The following NR3C1 variants were observed in gnomAD, a reference collection of about 807,000 sequenced individuals.
NR3C1 encodes the protein glucocorticoid receptor.
A neutral mutation model predicts 74.0 loss-of-function variants in NR3C1; 14 were observed. The ratio of observed to expected loss-of-function variants is 0.19; its 90% confidence interval spans 0.12 to 0.30. The LOEUF (loss-of-function observed/expected upper bound fraction) is 0.30. Ranked by LOEUF, NR3C1 falls within the 10% of genes least tolerant of loss-of-function variation. The probability of loss-of-function intolerance (pLI) is 1.00; values close to 1 mark genes in which losing one functional copy is unlikely to be tolerated. For missense variants in NR3C1, 695 were observed against 909.8 expected (o/e 0.76, Z 3.04); for synonymous variants, 308 against 332.5 (o/e 0.93, Z 0.80).
intron 4 of NR3C1, among the ~76,000 whole-genome samples, chr5:143,303,988 A>C (rs1411070273): frequency 6.6e-6 from 1 of 152,164 alleles, no homozygotes; most frequent in African/African-American, 2.4e-5. Context: ...AAAAGCTGGA[A>C]GCATTCCCCT....
intron 1 of NR3C1, chr5:143,408,920 G>A (rs1227503763): frequency 6.6e-6 from 1 of 152,140 alleles, no homozygotes; most frequent in Non-Finnish European, 1.5e-5. Context: ...TGACGCAACT[G>A]TAAGTCAAGG....
At chr5:143,310,238 A>G in intron 3 of NR3C1, 25 bp from the exon 4 acceptor site, 1 of 1,486,818 alleles carries the variant, frequency 6.7e-7, no homozygotes, top group Non-Finnish European at 9.4e-7. Flanking sequence ...AGGCACTATT[A>G]AAGTTTCACA....
intron 2 of NR3C1, among the ~76,000 whole-genome samples, chr5:143,337,842 G>GAA (rs1156681385): frequency 1.3e-5 from 2 of 152,104 alleles, no homozygotes; most frequent in Non-Finnish European, 2.9e-5. Flanking sequence ...TAGGTAGTAA[G>GAA]AAAAACAAGA....
chr5:143,421,962 C>G (rs1198154633), intron 1 of NR3C1, among the ~76,000 whole-genome samples: 1 of 152,172 alleles, frequency 6.6e-6, no homozygotes. Context: ...CAGTCACAGC[C>G]AGGGCCAGCT....
chr5:143,402,607 G>T, intron 1 of NR3C1: 1 of 985,476 alleles, frequency 1.0e-6, no homozygotes, highest in Non-Finnish European at 1.2e-6. Context: ...CAGACCTGTT[G>T]AGTTCTCTCT....
At chr5:143,324,949 C>G (rs888089164) in intron 2 of NR3C1, among the ~76,000 whole-genome samples, 2 of 152,202 alleles carry the variant, frequency 1.3e-5, no homozygotes, top group Non-Finnish European at 2.9e-5. Context: ...TCTGAGACCA[C>G]CTCAGCCTGG....
chr5:143,300,901 G>C lies in NR3C1; in HGVS notation c.1469-138C>G. 3.0e-6 allele frequency: 3 copies of C among 1,011,604 alleles called. No individual in the cohort carries two copies. Among genetic ancestry groups the C allele is most frequent in the Non-Finnish European group, 4.2e-6 (3 of 715,350 alleles). 62.7% of individuals were successfully genotyped at this position (1,011,604 alleles called of 1,614,324 possible). ...TTTTATTTAGCAATTATGATAAAGT[G>C]ACATGGAAAAGGAGAAAAAACTTTT... On this transcript the variant is annotated intron_variant, in intron 4 of 8. Transcript: ENST00000394464. This position sits in a 1 kb window ranked among gnomAD's most constrained non-coding sequence, Gnocchi z 5.2.
intron 7 of NR3C1, among the ~76,000 whole-genome samples, chr5:143,286,260 G>C (rs1355494786): frequency 6.6e-6 from 1 of 152,014 alleles, no homozygotes; most frequent in Non-Finnish European, 1.5e-5. Flanking sequence ...CTTCACTGCT[G>C]AGTTTTACCA....
At chr5:143,425,043 T>C (rs777346957) in intron 1 of NR3C1, among the ~76,000 whole-genome samples, 32 of 152,192 alleles carry the variant, frequency 2.1e-4, no homozygotes, top group Non-Finnish European at 4.1e-4. Flanking sequence ...GGCATGAGGA[T>C]AGGCATTCAG....
rs1228836464 is a variant in NR3C1, at chr5:143,362,905, G to A, written c.1184+36751C>T. 2.6e-5 allele frequency among the ~76,000 whole-genome samples: 4 copies of A among 152,174 alleles called. No homozygotes were observed. In the East Asian group the frequency reaches 7.7e-4, roughly 29 times the overall value. On this transcript the variant is annotated intron_variant, in intron 2 of 8. Coordinates refer to ENST00000394464, the MANE Select transcript of NR3C1 (RefSeq NM_000176.3). ...AGGAAAAGCTGGGGAGTCTGTAAGG[G>A]CTTTGAAAGGGTCCAACATACTCCT...
rs779490954 is a variant in NR3C1 at position 143,400,041 on chromosome 5, T to C, written c.799A>G (p.Ser267Gly). 1 of 1,614,206 alleles carries C rather than the reference T, an allele frequency of 6.2e-7. No individual in the cohort carries two copies. Among genetic ancestry groups the C allele is most frequent in the South Asian group, 1.1e-5 (1 of 91,088 alleles). The change falls in exon 2 of 9, where the codon AGC (serine) becomes GGC (glycine). Residue 267 changes from serine (S) to glycine (G), a missense_variant. Physicochemically the swap from Ser to Gly is moderately conservative, Grantham distance 56. Around this residue, in one of 4 missense-constraint regions of NR3C1, gnomAD observed 497 missense variants for 489.5 expected, o/e 1.02. Transcript: ENST00000394464. ...TGGGGCAGTGTTACATTACTGGGGC[T>C]TGACAAAACCAGATCTCCATTATCC... ...IKDNGDLVLS[S>G]PSNVTLPQVK...
intron 4 of NR3C1, among the ~76,000 whole-genome samples, chr5:143,307,403 C>A (rs938312148): frequency 3.3e-5 from 5 of 152,238 alleles, no homozygotes; most frequent in Admixed American, 3.3e-4. Flanking sequence ...GTAGCCTAGT[C>A]CATCAAAATC....
chr5:143,428,089 A>C (rs1044408270), intron 1 of NR3C1, among the ~76,000 whole-genome samples: 3 of 152,214 alleles, frequency 2.0e-5, no homozygotes, highest in Admixed American at 2.0e-4. Flanking sequence ...ACCTGAACTT[A>C]GTGTAAGTCT....
chr5:143,402,747 TC>T (rs1840556130), intron 1 of NR3C1: 1 of 985,244 alleles, frequency 1.0e-6, no homozygotes, highest in East Asian at 1.1e-4. Flanking sequence ...CGCCGGGGCC[TC>T]CCCGGAGCCC....
intron 2 of NR3C1, among the ~76,000 whole-genome samples, chr5:143,330,705 AT>A (rs1825771954): frequency 6.6e-6 from 1 of 152,244 alleles, no homozygotes. Context: ...GAGAAGTGGA[AT>A]CTCTGAAAAT....
chr5:143,386,611 G>C (rs1272007066), intron 2 of NR3C1, among the ~76,000 whole-genome samples: 1 of 152,138 alleles, frequency 6.6e-6, no homozygotes, highest in Admixed American at 6.5e-5. Context: ...GATAAGGGGA[G>C]ATGTGCAGGA....
intron 2 of NR3C1, among the ~76,000 whole-genome samples, chr5:143,348,269 A>C (rs563205857): frequency 6.6e-6 from 1 of 152,338 alleles, no homozygotes; most frequent in South Asian, 2.1e-4. Context: ...TACAACACTC[A>C]GTGAATGGGG....
At chr5:143,334,160 T>C (rs533558809) in intron 2 of NR3C1, among the ~76,000 whole-genome samples, 196 of 152,298 alleles carry the variant, frequency 1.3e-3, no homozygotes, top group Non-Finnish European at 2.4e-3. Context: ...GGCAGGCAGA[T>C]CACCTGAGGT....
chr5:143,412,625 T>G (rs1297298116), intron 1 of NR3C1, among the ~76,000 whole-genome samples: 1 of 152,204 alleles, frequency 6.6e-6, no homozygotes, highest in Non-Finnish European at 1.5e-5. Flanking sequence ...CAACCACAGT[T>G]TTCCCCACTT....
Sources: allele counts gnomAD v4.1 joint callset (sites outside exome capture counted in the v4.1 genomes callset), GRCh38; gene constraint gnomAD v4.1.1; regional missense constraint gnomAD v4.1.1; non-coding constraint Gnocchi (gnomAD v3.1); transcripts MANE v1.5; gene names NCBI Gene and HGNC (gene_info 2026-07-23, HGNC 2026-07-21).